The following BST1 variants were observed in gnomAD, a reference collection of about 807,000 sequenced individuals.
BST1 encodes ADP-ribosyl cyclase/cyclic ADP-ribose hydrolase 2.
A neutral mutation model predicts 40.6 loss-of-function variants in BST1; 49 were observed. The observed-to-expected ratio is 1.21, with a 90% CI of 0.96 to 1.53. BST1 has a LOEUF of 1.53. Among genes scored for constraint, BST1 ranks in the 40% most tolerant of loss-of-function variants. The probability of loss-of-function intolerance (pLI) is 0.00; values close to 1 mark genes in which losing one functional copy is unlikely to be tolerated. For synonymous variants in BST1, 157 were observed against 159.3 expected, an observed-to-expected ratio of 0.99 and a Z score of 0.11; for missense variants, 423 against 395.9, an observed-to-expected ratio of 1.07 and a Z score of -0.58.
chr4:15,755,521 A>G, the BST1 span, among the ~76,000 whole-genome samples: 1 of 152,248 alleles, frequency 6.6e-6, no homozygotes, highest in Non-Finnish European at 1.5e-5. Flanking sequence ...TGTAGGTTGA[A>G]TTCCTAGAAA....
chr4:15,734,711 G>A (rs1721496211), downstream of BST1, among the ~76,000 whole-genome samples: 1 of 152,136 alleles, frequency 6.6e-6, no homozygotes, highest in Non-Finnish European at 1.5e-5. Context: ...TTGCCTAAGG[G>A]TCAGTTTCCT....
chr4:15,768,985 A>G, the BST1 span, among the ~76,000 whole-genome samples: 101 of 152,266 alleles, frequency 6.6e-4, no homozygotes, highest in South Asian at 9.5e-3. Context: ...CAATATGAAA[A>G]TCATCACATG....
At chr4:15,753,576 A>G in the BST1 span, among the ~76,000 whole-genome samples, 1 of 152,350 alleles carries the variant, frequency 6.6e-6, no homozygotes, top group Non-Finnish European at 1.5e-5. Context: ...CGAGACACAG[A>G]GCCACAAACA....
the BST1 span, among the ~76,000 whole-genome samples, chr4:15,762,063 C>A: frequency 2.6e-5 from 4 of 151,486 alleles, no homozygotes; most frequent in East Asian, 7.7e-4. Flanking sequence ...GTGGCATCTG[C>A]CTGTAGTCCC....
At chr4:15,707,816 G>A (rs1372130781) in intron 3 of BST1, among the ~76,000 whole-genome samples, 170 bp downstream of exon 3, 1 of 148,848 alleles carries the variant, frequency 6.7e-6, no homozygotes, top group African/African-American at 2.5e-5. Flanking sequence ...ACTTAACTTT[G>A]CAGGTGCCAG....
Position 15,703,182 on chromosome 4 carries a change from A to AGCT in BST1, c.47_49dup (p.Leu16dup), listed in dbSNP as rs1289860176. On this transcript the variant is annotated inframe_insertion, in exon 1 of 9. Transcript: ENST00000265016. Reference sequence around the variant, plus strand: ...GGGTGCGCGGCATCGCGGCTGCTCCAGCTGCTGCTGCAGCTTCTGCTTCTA... The same window carrying AGCT: ...GGGTGCGCGGCATCGCGGCTGCTCCAGCTGCTGCTGCTGCAGCTTCTGCTTCTA... The AGCT allele has an allele frequency of 6.4e-6, 10 of 1,562,216 alleles. No homozygotes were observed. The highest frequency in any genetic ancestry group is 1.4e-5 in the African/African-American group (1 of 73,542).
chr4:15,727,052 T>C (rs1453692085), intron 8 of BST1, among the ~76,000 whole-genome samples: 4 of 152,116 alleles, frequency 2.6e-5, no homozygotes, highest in Admixed American at 2.0e-4. Flanking sequence ...GCTGGCACTC[T>C]GGAGTCATCA....
chr4:15,767,171 C>G, the BST1 span, among the ~76,000 whole-genome samples: 11 of 152,064 alleles, frequency 7.2e-5, no homozygotes, highest in African/African-American at 2.7e-4. Context: ...AGCGGATAAC[C>G]CTGCAGAAAA....
intron 1 of BST1, among the ~76,000 whole-genome samples, chr4:15,704,643 TG>T (rs1278380791): frequency 1.3e-5 from 2 of 151,710 alleles, no homozygotes; most frequent in Admixed American, 6.6e-5. Context: ...GAAGTGAGGG[TG>T]GGGTAGAGGT....
intron 1 of BST1, chr4:15,704,988 G>C (rs779419033): frequency 2.6e-6 from 2 of 768,194 alleles, no homozygotes; most frequent in East Asian, 4.9e-5. Context: ...AGTTACAAAT[G>C]CTATGGGAAA....
At chr4:15,719,076 G>A in intron 7 of BST1, 83 bp downstream of exon 7, 2 of 1,193,924 alleles carry the variant, frequency 1.7e-6, no homozygotes, top group East Asian at 2.6e-5. Flanking sequence ...GGTATTGATG[G>A]CTCTCAGCTC....
At chr4:15,707,880 T>TAC (rs1444177901) in intron 3 of BST1, among the ~76,000 whole-genome samples, 1 of 146,222 alleles carries the variant, frequency 6.8e-6, no homozygotes, top group Non-Finnish European at 1.5e-5. Flanking sequence ...TATATACACA[T>TAC]ATATATACAC....
chr4:15,732,203 G>C lies in BST1; in HGVS notation c.*358G>C. The C allele has an allele frequency of 3.5e-6, 3 of 866,822 alleles. No individual in the cohort carries two copies. Among genetic ancestry groups the C allele is most frequent in the Non-Finnish European group, 4.3e-6 (3 of 704,720 alleles). 53.7% of individuals were successfully genotyped at this position (866,822 alleles called of 1,614,324 possible). A position where few individuals can be genotyped will look rare whatever the true frequency, so the allele number is the denominator to read the frequency against. Reference sequence around the variant, plus strand: ...TATTTTCCTATATCTCCAGCAGCACGGACACTGCATGCTTGTTGATTGCTT... The same window carrying C: ...TATTTTCCTATATCTCCAGCAGCACCGACACTGCATGCTTGTTGATTGCTT... On this transcript the variant is annotated 3_prime_UTR_variant, in exon 9 of 9. Coordinates refer to ENST00000265016, the MANE Select transcript of BST1 (RefSeq NM_004334.3).
chr4:15,715,248 G>A (rs757291144), intron 4 of BST1, 37 bp from the exon 5 acceptor site: 41 of 1,581,402 alleles, frequency 2.6e-5, no homozygotes, highest in East Asian at 1.8e-4. Flanking sequence ...AAAATGTCAC[G>A]TCTTTATTTG....
At chr4:15,713,558 G>A (rs1720338219) in intron 4 of BST1, among the ~76,000 whole-genome samples, 1 of 152,078 alleles carries the variant, frequency 6.6e-6, no homozygotes, top group South Asian at 2.1e-4. Context: ...AATAAAGTAA[G>A]GTACAGAGAG....
At chr4:15,761,891 T>C in the BST1 span, among the ~76,000 whole-genome samples, 9 of 151,996 alleles carry the variant, frequency 5.9e-5, no homozygotes, top group Non-Finnish European at 1.0e-4. Flanking sequence ...TTTTCTTTTT[T>C]TGTAGATGGT....
At chr4:15,704,554 T>C (rs1719772816) in intron 1 of BST1, among the ~76,000 whole-genome samples, 1 of 149,742 alleles carries the variant, frequency 6.7e-6, no homozygotes. Context: ...GTGTGTGGTC[T>C]AGAGGTGAGG....
At chr4:15,716,574 G>A (rs1720527530) in intron 6 of BST1, among the ~76,000 whole-genome samples, 1 of 152,090 alleles carries the variant, frequency 6.6e-6, no homozygotes, top group Non-Finnish European at 1.5e-5. Flanking sequence ...TGGCCCCCAG[G>A]ACCTTCTAAG....
At chr4:15,707,390 T>C (rs1316945133) in intron 2 of BST1, 121 bp from the exon 3 acceptor site, 2 of 1,097,024 alleles carry the variant, frequency 1.8e-6, no homozygotes, top group Non-Finnish European at 2.8e-6. Flanking sequence ...CGTTCAGTTG[T>C]TGTGCAGCAG....
Sources: allele counts gnomAD v4.1 joint callset (sites outside exome capture counted in the v4.1 genomes callset), GRCh38; gene constraint gnomAD v4.1.1; transcripts MANE v1.5; gene names NCBI Gene and HGNC (gene_info 2026-07-23, HGNC 2026-07-21).